Variants in PEBP4 observed in about 807,000 individuals in gnomAD.
PEBP4 encodes phosphatidylethanolamine binding protein 4.
Under a neutral mutation model 23.9 loss-of-function variants are expected in PEBP4, and 22 were observed. The ratio of observed to expected loss-of-function variants is 0.92; its 90% CI spans 0.66 to 1.31. PEBP4 has a LOEUF of 1.31. Ranked by LOEUF, PEBP4 falls within the 40% of genes most tolerant of loss-of-function variation. The probability of loss-of-function intolerance (pLI) is 0.00; values close to 1 mark genes in which losing one functional copy is unlikely to be tolerated. For synonymous variants in PEBP4, 112 were observed against 99.3 expected (o/e 1.13, Z -0.76); for missense variants, 324 against 281.7 (o/e 1.15, Z -1.07).
At chr8:22,730,212 GC>G (rs892301838) in intron 4 of PEBP4, among the ~76,000 whole-genome samples, 1 of 152,140 alleles carries the variant, frequency 6.6e-6, no homozygotes, top group African/African-American at 2.4e-5. Flanking sequence ...GAAAATGGGG[GC>G]CCTCCCACCC....
At chr8:22,755,984 G>T (rs1156249991) in intron 4 of PEBP4, 2 of 152,216 alleles carry the variant, frequency 1.3e-5, no homozygotes, top group Admixed American at 1.3e-4. Flanking sequence ...CTCCTGCAAT[G>T]CCTCCAACGG....
intron 3 of PEBP4, among the ~76,000 whole-genome samples, chr8:22,843,994 C>T (rs765367318): frequency 1.3e-5 from 2 of 152,114 alleles, no homozygotes; most frequent in African/African-American, 2.4e-5. Context: ...AGCACAAAAG[C>T]GCTGATTCAG....
chr8:22,731,051 C>T (rs1017760504), intron 4 of PEBP4, among the ~76,000 whole-genome samples: 1 of 152,202 alleles, frequency 6.6e-6, no homozygotes. Context: ...TCTCCTTTCC[C>T]TTCCTATAGC....
intron 6 of PEBP4, among the ~76,000 whole-genome samples, chr8:22,719,949 G>A (rs936879722): frequency 1.4e-4 from 21 of 152,240 alleles, no homozygotes; most frequent in Non-Finnish European, 2.2e-4. Flanking sequence ...GCAAGCTGAC[G>A]TGTGTTTGCA....
chr8:22,779,319 T>C (rs1805873036), intron 4 of PEBP4, among the ~76,000 whole-genome samples: 1 of 152,170 alleles, frequency 6.6e-6, no homozygotes, highest in Admixed American at 6.5e-5. Context: ...ACGGCTGTTA[T>C]TGGCCTCAAT....
intron 3 of PEBP4, among the ~76,000 whole-genome samples, chr8:22,903,420 A>G (rs1022326990): frequency 6.6e-6 from 1 of 152,230 alleles, no homozygotes; most frequent in Non-Finnish European, 1.5e-5. Context: ...AAACAAAATA[A>G]TTGGGCAAAG....
chr8:22,764,352 C>T (rs1209963245), intron 4 of PEBP4, among the ~76,000 whole-genome samples: 1 of 152,114 alleles, frequency 6.6e-6, no homozygotes, highest in Non-Finnish European at 1.5e-5. Context: ...CTCTTCAAGT[C>T]CAGGTTACTC....
upstream of PEBP4, among the ~76,000 whole-genome samples, chr8:22,928,669 C>A (rs1809404645): frequency 6.6e-6 from 1 of 152,036 alleles, no homozygotes; most frequent in Non-Finnish European, 1.5e-5. Context: ...CTCTCTGCTT[C>A]TCAGAGGCGG....
upstream of PEBP4, among the ~76,000 whole-genome samples, chr8:22,931,521 G>T (rs1385689423): frequency 6.6e-6 from 1 of 151,846 alleles, no homozygotes; most frequent in Non-Finnish European, 1.5e-5. Flanking sequence ...CCACTTTCTT[G>T]GACATTTTCA....
At chr8:22,723,797 T>G (rs906064056) in intron 6 of PEBP4, among the ~76,000 whole-genome samples, 3 of 152,308 alleles carry the variant, frequency 2.0e-5, no homozygotes, top group Admixed American at 2.0e-4. Context: ...CCTGGAGCCC[T>G]CTGTGATAGG....
At chr8:22,931,664 G>A (rs111541531), upstream of PEBP4, among the ~76,000 whole-genome samples, 591 of 152,110 alleles carry the variant, frequency 3.9e-3, 5 homozygotes, top group African/African-American at 0.013. Flanking sequence ...GCTCACTGCT[G>A]CCTCCGCCTC....
At chr8:22,765,083 T>C (rs1278301143) in intron 4 of PEBP4, among the ~76,000 whole-genome samples, 1 of 151,768 alleles carries the variant, frequency 6.6e-6, no homozygotes, top group Non-Finnish European at 1.5e-5. Flanking sequence ...CGTCACCGGG[T>C]CCTCAGTTTC....
At chr8:22,821,796 T>G (rs1201956327) in intron 3 of PEBP4, among the ~76,000 whole-genome samples, 2 of 151,896 alleles carry the variant, frequency 1.3e-5, no homozygotes, top group Non-Finnish European at 2.9e-5. Flanking sequence ...CCATCCTGGC[T>G]AACACGGTGA....
chr8:22,756,822 G>A (rs1319764441), intron 4 of PEBP4: 1 of 152,044 alleles, frequency 6.6e-6, no homozygotes, highest in African/African-American at 2.4e-5. Context: ...CATTTACCAG[G>A]GGAAAGGGAC....
At chr8:22,794,349 T>A (rs1410240951) in intron 4 of PEBP4, among the ~76,000 whole-genome samples, 2 of 152,122 alleles carry the variant, frequency 1.3e-5, no homozygotes, top group Non-Finnish European at 2.9e-5. Context: ...TGGAATGCAG[T>A]AGCTCAATCT....
chr8:22,776,330 C>T (rs970052453), intron 4 of PEBP4, among the ~76,000 whole-genome samples: 11 of 152,134 alleles, frequency 7.2e-5, no homozygotes, highest in African/African-American at 2.7e-4. Context: ...CATGAAAGTT[C>T]TGTAGGGCAC....
At chr8:22,930,268 G>T (rs760147423), upstream of PEBP4, among the ~76,000 whole-genome samples, 10 of 152,194 alleles carry the variant, frequency 6.6e-5, no homozygotes, top group Non-Finnish European at 1.0e-4. Context: ...CCTTCATTAG[G>T]GGGGTAGCTG....
intron 3 of PEBP4, among the ~76,000 whole-genome samples, chr8:22,899,695 G>T (rs1808672956): frequency 6.6e-6 from 1 of 152,168 alleles, no homozygotes; most frequent in South Asian, 2.1e-4. Flanking sequence ...AGAGAGGAGG[G>T]TGCCAGGCAT....
At chr8:22,791,549 C>T (rs142921399) in intron 4 of PEBP4, among the ~76,000 whole-genome samples, 176 of 152,020 alleles carry the variant, frequency 1.2e-3, no homozygotes, top group Non-Finnish European at 4.3e-4. Context: ...GCTCTCTGTG[C>T]GTTCGCGCGT....
Sources: gnomAD v4.1 joint callset for allele counts (sites outside exome capture counted in the v4.1 genomes callset) on GRCh38, gnomAD v4.1.1 for gene constraint, MANE v1.5 for transcripts, NCBI Gene and HGNC (gene_info 2026-07-23, HGNC 2026-07-21) for gene names.